CPXM2: variants seen among roughly 807,000 people sequenced by gnomAD.
The protein encoded by CPXM2 is inactive carboxypeptidase-like protein X2.
A neutral mutation model predicts 86.1 loss-of-function variants in CPXM2; 66 were observed. That is an observed-to-expected ratio of 0.77 (90% CI 0.63 to 0.94). The LOEUF (loss-of-function observed/expected upper bound fraction) is 0.94. CPXM2 is among the 40% of genes least tolerant of loss of function. The probability of loss-of-function intolerance (pLI) is 0.00; values close to 1 mark genes in which losing one functional copy is unlikely to be tolerated. For missense variants in CPXM2, 948 were observed against 1,026.3 expected (o/e 0.92, Z 1.04); for synonymous variants, 388 against 400.2 (o/e 0.97, Z 0.36).
At chr10:123,928,782 C>T (rs1417562791) in intron 2 of CPXM2, among the ~76,000 whole-genome samples, 2 of 152,242 alleles carry the variant, frequency 1.3e-5, no homozygotes, top group East Asian at 1.9e-4. Context: ...GCCATTTAGT[C>T]CCCTAGCCTT....
At chr10:123,775,547 G>A (rs938810957) in intron 7 of CPXM2, among the ~76,000 whole-genome samples, 18 of 152,184 alleles carry the variant, frequency 1.2e-4, no homozygotes, top group African/African-American at 3.6e-4. Context: ...CTTCCCTTGA[G>A]ATGCACACTT....
intron 4 of CPXM2, among the ~76,000 whole-genome samples, chr10:123,821,859 T>C (rs932447170): frequency 2.0e-5 from 3 of 152,206 alleles, no homozygotes; most frequent in Non-Finnish European, 4.4e-5. Flanking sequence ...ACAATTCAAA[T>C]AACAAGATGT....
intron 3 of CPXM2, among the ~76,000 whole-genome samples, chr10:123,852,874 G>C (rs934144155): frequency 3.3e-5 from 5 of 152,084 alleles, no homozygotes; most frequent in Admixed American, 1.3e-4. Context: ...GCTGTCCGCT[G>C]GTTTTGTTTC....
chr10:123,747,109 G>A (rs1253235856), intron 13 of CPXM2, 92 bp from the exon 14 acceptor site: 1 of 1,463,440 alleles, frequency 6.8e-7, no homozygotes, highest in Non-Finnish European at 9.2e-7. Flanking sequence ...CTGGGCCAGA[G>A]AGAGACTCTC....
intron 13 of CPXM2, 58 bp from the exon 14 acceptor site, chr10:123,747,075 C>G (rs1050674342): frequency 8.9e-6 from 14 of 1,575,604 alleles, no homozygotes; most frequent in Middle Eastern, 3.4e-4. Flanking sequence ...CAGATCCCGC[C>G]AGCCCTCCTC....
chr10:123,898,550 A>T (rs1235632907), intron 2 of CPXM2, among the ~76,000 whole-genome samples: 1 of 152,124 alleles, frequency 6.6e-6, no homozygotes, highest in Non-Finnish European at 1.5e-5. Flanking sequence ...AGACAGGAGG[A>T]TCACTTGAGC....
chr10:123,800,981 C>G (rs1482943363), intron 4 of CPXM2, among the ~76,000 whole-genome samples: 1 of 152,192 alleles, frequency 6.6e-6, no homozygotes, highest in Non-Finnish European at 1.5e-5. Context: ...TACACTCTGA[C>G]GTGACAGTCC....
At chr10:123,780,785 TC>T (rs1465424842) in intron 6 of CPXM2, among the ~76,000 whole-genome samples, 2 of 152,130 alleles carry the variant, frequency 1.3e-5, no homozygotes, top group Non-Finnish European at 2.9e-5. Flanking sequence ...TGTTTGGGAA[TC>T]CCTTTTTCCA....
chr10:123,864,665 A>G (rs947764609), intron 2 of CPXM2, among the ~76,000 whole-genome samples: 5 of 152,212 alleles, frequency 3.3e-5, no homozygotes, highest in Admixed American at 2.0e-4. Context: ...TCTAAGTGAG[A>G]GACGGACAGA....
rs1846497119 is a variant in CPXM2 at position 123,767,115 on chromosome 10, G to A, written c.1337C>T (p.Thr446Ile). Residue 446 changes from threonine (T) to isoleucine (I), a missense_variant, in exon 10 of 14, where the codon ACC (threonine) becomes ATC (isoleucine). Transcript: ENST00000241305. ...GTTGTTGATGTCAATTCCATCGTGGGTCCAGCGTCCCAGGGACCAGCCTCC... is the reference window on the plus strand; with the variant it reads ...GTTGTTGATGTCAATTCCATCGTGGATCCAGCGTCCCAGGGACCAGCCTCC... ...ELGGWSLGRW[T>I]HDGIDINNNF... The A allele has an allele frequency of 1.2e-6, 2 of 1,614,126 alleles. No homozygotes were observed. The highest frequency in any genetic ancestry group is 1.7e-6 in the Non-Finnish European group (2 of 1,180,040).
chr10:123,889,258 G>A lies in CPXM2; in HGVS notation c.304+2098C>T, dbSNP rs574904702. Among the ~76,000 whole-genome samples, 80 of 152,216 alleles carry A rather than the reference G, an allele frequency of 5.3e-4. 2 individuals are homozygous for A. In the South Asian group the frequency reaches 0.015, roughly 29 times the overall value. ...GAAACCTATCTTAGGAATGATGTCC[G>A]GTCACTTGTACGAGTCCCCAGGACA... On this transcript the variant is annotated intron_variant, in intron 1 of 13. Coordinates refer to ENST00000241305, the MANE Select transcript of CPXM2 (RefSeq NM_198148.3).
At chr10:123,932,290 C>G (rs943301701) in intron 2 of CPXM2, among the ~76,000 whole-genome samples, 1 of 152,174 alleles carries the variant, frequency 6.6e-6, no homozygotes, top group South Asian at 2.1e-4. Flanking sequence ...TCAGCCTCAC[C>G]TCTCATGCCA....
chr10:123,913,743 A>T (rs1229059102), intron 2 of CPXM2: 3 of 243,484 alleles, frequency 1.2e-5, no homozygotes, highest in African/African-American at 6.8e-5. Flanking sequence ...GAAGTGGTGA[A>T]CAAAAGCTTC....
At position 123,757,301 on chromosome 10, in the gene CPXM2, T is replaced by C. The variant is rs561902091; in HGVS notation, c.1829A>G (p.Tyr610Cys). Reference protein sequence around the residue: ...LHTNCFELSIYVGCDKYPHES... With the variant: ...LHTNCFELSICVGCDKYPHES... Reference sequence around the variant, plus strand: ...ATGTGGGTATTTATCACAGCCCACGTAGATGGACAGTTCGAAGCAGTTTGT... The same window carrying C: ...ATGTGGGTATTTATCACAGCCCACGCAGATGGACAGTTCGAAGCAGTTTGT... The change falls in exon 12 of 14, where the codon TAC becomes TGC. Residue 610 changes from tyrosine to cysteine, a missense_variant. Transcript: ENST00000241305. The C allele has an allele frequency of 5.1e-5, 82 of 1,613,720 alleles. No homozygotes were observed. The highest frequency in any genetic ancestry group is 6.4e-5 in the Non-Finnish European group (75 of 1,179,732).
At chr10:123,876,723 A>G (rs528552726) in intron 2 of CPXM2, among the ~76,000 whole-genome samples, 3 of 152,336 alleles carry the variant, frequency 2.0e-5, no homozygotes, top group East Asian at 1.9e-4. Context: ...CCTTTAAAGA[A>G]GTTTGCCAGC....
chr10:123,877,623 G>A (rs887309257), intron 2 of CPXM2, among the ~76,000 whole-genome samples: 5 of 152,188 alleles, frequency 3.3e-5, no homozygotes, highest in African/African-American at 7.2e-5. Flanking sequence ...TGGCCTAAAC[G>A]AGGCTCATGG....
chr10:123,779,490 A>T (rs1452532716), intron 7 of CPXM2, among the ~76,000 whole-genome samples: 2 of 152,238 alleles, frequency 1.3e-5, no homozygotes, highest in East Asian at 3.8e-4. Context: ...AGTAGTTCTG[A>T]AACCTGGCTG....
intron 3 of CPXM2, among the ~76,000 whole-genome samples, chr10:123,844,123 T>C (rs1310043083): frequency 6.6e-6 from 1 of 152,054 alleles, no homozygotes; most frequent in African/African-American, 2.4e-5. Flanking sequence ...AGCAAGTGCC[T>C]GGGAGAATTC....
At chr10:123,860,340 G>A (rs935433801) in intron 3 of CPXM2, among the ~76,000 whole-genome samples, 1 of 152,130 alleles carries the variant, frequency 6.6e-6, no homozygotes, top group African/African-American at 2.4e-5. Context: ...AGAGACATGA[G>A]ATCATTTGTT....
Sources: allele counts gnomAD v4.1 joint callset (sites outside exome capture counted in the v4.1 genomes callset), GRCh38; gene constraint gnomAD v4.1.1; transcripts MANE v1.5; gene names NCBI Gene and HGNC (gene_info 2026-07-23, HGNC 2026-07-21).